ZNF609: variants seen among roughly 807,000 people sequenced by gnomAD.
ZNF609 encodes zinc finger protein 609.
In ZNF609, 11 loss-of-function variants were observed where a neutral mutation model predicts 109.5. The ratio of observed to expected loss-of-function variants is 0.10; its 90% confidence interval spans 0.06 to 0.17. ZNF609 has a LOEUF of 0.17. Among genes scored for constraint, ZNF609 ranks in the 10% least tolerant of loss-of-function variants. ZNF609 has a pLI of 1.00. For missense variants in ZNF609, 1,559 were observed against 1,772.4 expected, an observed-to-expected ratio of 0.88 and a Z score of 2.16; for synonymous variants, 646 against 662.0, an observed-to-expected ratio of 0.98 and a Z score of 0.37.
intron 3 of ZNF609, among the ~76,000 whole-genome samples, chr15:64,637,083 A>C (rs1657649591): frequency 6.6e-6 from 1 of 152,124 alleles, no homozygotes; most frequent in African/African-American, 2.4e-5. Context: ...TCCCCACCCC[A>C]GGTAACCAAT....
At chr15:64,537,918 T>G (rs1365022556) in intron 2 of ZNF609, among the ~76,000 whole-genome samples, 1 of 151,690 alleles carries the variant, frequency 6.6e-6, no homozygotes, top group Non-Finnish European at 1.5e-5. Flanking sequence ...CTTACCAACA[T>G]GGAGAAACCC....
chr15:64,575,558 T>C (rs1894937369), intron 2 of ZNF609, among the ~76,000 whole-genome samples: 1 of 152,206 alleles, frequency 6.6e-6, no homozygotes, highest in Non-Finnish European at 1.5e-5. Context: ...ACTTCTGTTT[T>C]CTTAGGGAGG....
chr15:64,579,932 C>A (rs929024014), intron 2 of ZNF609, among the ~76,000 whole-genome samples: 1 of 151,964 alleles, frequency 6.6e-6, no homozygotes, highest in Admixed American at 6.6e-5. Context: ...ACTGCCTCCT[C>A]CAAAAAAAAT....
intron 3 of ZNF609, among the ~76,000 whole-genome samples, chr15:64,630,263 GT>G (rs1401376028): frequency 6.6e-6 from 1 of 151,554 alleles, no homozygotes; most frequent in African/African-American, 2.4e-5. Context: ...GTAGAGATGG[GT>G]TTTCACCATG....
At chr15:64,525,319 A>T (rs1229657796) in intron 2 of ZNF609, among the ~76,000 whole-genome samples, 1 of 152,176 alleles carries the variant, frequency 6.6e-6, no homozygotes, top group Non-Finnish European at 1.5e-5. Flanking sequence ...TCCTAGCACC[A>T]ATCGTTGAAA....
chr15:64,644,537 A>G (rs1044153345), intron 3 of ZNF609, among the ~76,000 whole-genome samples: 2 of 152,224 alleles, frequency 1.3e-5, no homozygotes, highest in African/African-American at 4.8e-5. Context: ...GGTCTTTAAA[A>G]TATAACAGAT....
In ZNF609 at chr15:64,606,592, A is replaced by C. The variant is rs1223126367; in HGVS notation, c.748-16235A>C. ...AAAAAAAAAAACAGAAAAACTTTTT[A>C]TAGAAACAGGATCTCACTGTGTTCC... On this transcript the variant is annotated intron_variant, in intron 2 of 9. Coordinates refer to ENST00000326648, the MANE Select transcript of ZNF609 (RefSeq NM_015042.2). Among the ~76,000 whole-genome samples the C allele has an allele frequency of 2.7e-5, 4 of 150,328 alleles. No homozygotes were observed. The East Asian group carries it at 7.9e-4, about 30-fold the overall frequency.
intron 1 of ZNF609, among the ~76,000 whole-genome samples, chr15:64,474,952 A>G (rs1893145271): frequency 6.6e-6 from 1 of 151,670 alleles, no homozygotes; most frequent in Non-Finnish European, 1.5e-5. Context: ...CATTTTATCC[A>G]TATCTTTTTT....
intron 2 of ZNF609, among the ~76,000 whole-genome samples, chr15:64,522,971 TA>T (rs34889677): frequency 0.84 from 122,792 of 146,488 alleles, 52,047 homozygotes; most frequent in East Asian, 0.99. Flanking sequence ...ACATTGTGGT[TA>T]AAAAAAAAAA....
chr15:64,546,500 T>C (rs1264873107), intron 2 of ZNF609, among the ~76,000 whole-genome samples: 1 of 150,190 alleles, frequency 6.7e-6, no homozygotes, highest in East Asian at 2.0e-4. Context: ...CGACCAGTGG[T>C]GAGCCCTGAT....
At position 64,676,139 on chromosome 15, in the gene ZNF609, A is replaced by G. The variant is rs747527002; in HGVS notation, c.3285A>G (p.Glu1095=). Residue 1095 remains glutamate, a synonymous_variant, in exon 5 of 10, where the codon GAA becomes GAG. Coordinates refer to ENST00000326648, the MANE Select transcript of ZNF609 (RefSeq NM_015042.2). ...DSSKLPGQAP[E]GLKVKLSDAS... is the part of the protein sequence containing the mutation. ...CAAAACTCCCGGGCCAGGCCCCTGA[A>G]GGCCTTAAAGTGAAGCTGAGTGATG... The G allele has an allele frequency of 2.5e-6, 4 of 1,614,136 alleles. No homozygotes were observed. Among genetic ancestry groups the G allele is most frequent in the African/African-American group, 1.3e-5 (1 of 74,946 alleles).
intron 2 of ZNF609, among the ~76,000 whole-genome samples, chr15:64,537,246 C>G (rs1432337176): frequency 6.7e-6 from 1 of 149,562 alleles, no homozygotes; most frequent in East Asian, 2.0e-4. Context: ...ACCTGTAATC[C>G]CAGCACTTTG....
At chr15:64,644,419 G>A (rs1335733015) in intron 3 of ZNF609, among the ~76,000 whole-genome samples, 1 of 152,156 alleles carries the variant, frequency 6.6e-6, no homozygotes, top group Non-Finnish European at 1.5e-5. Flanking sequence ...GCCAAGGAGT[G>A]TGAGGTTACA....
chr15:64,580,615 G>A (rs1187665642), intron 2 of ZNF609, among the ~76,000 whole-genome samples: 1 of 149,792 alleles, frequency 6.7e-6, no homozygotes, highest in Non-Finnish European at 1.5e-5. Flanking sequence ...TAGTGGTGCA[G>A]TCTGCAACCT....
chr15:64,579,709 C>CA (rs34816803), intron 2 of ZNF609, among the ~76,000 whole-genome samples: 99,499 of 146,850 alleles, frequency 0.68, 36,349 homozygotes, highest in East Asian at 0.88. Context: ...AACAAACAAA[C>CA]AAAAAAAAAA....
chr15:64,586,238 A>G (rs1173460037), intron 2 of ZNF609, among the ~76,000 whole-genome samples: 1 of 151,606 alleles, frequency 6.6e-6, no homozygotes, highest in Non-Finnish European at 1.5e-5. Context: ...AGGCAGGAGA[A>G]TTGCTTGAAC....
At chr15:64,594,138 C>T (rs1895349412) in intron 2 of ZNF609, among the ~76,000 whole-genome samples, 1 of 152,180 alleles carries the variant, frequency 6.6e-6, no homozygotes, top group African/African-American at 2.4e-5. Context: ...AACCCACTCC[C>T]AGAGCCAGGT....
chr15:64,490,454 A>G (rs923617214), intron 1 of ZNF609, among the ~76,000 whole-genome samples: 9 of 151,540 alleles, frequency 5.9e-5, no homozygotes, highest in Non-Finnish European at 1.2e-4. Context: ...TTGTATTTTT[A>G]GTAGAGACAG....
At chr15:64,489,228 C>G (rs1266603526) in intron 1 of ZNF609, among the ~76,000 whole-genome samples, 2 of 151,842 alleles carry the variant, frequency 1.3e-5, no homozygotes, top group Non-Finnish European at 2.9e-5. Flanking sequence ...CTCTCTCTCC[C>G]AGGATGGAGT....
Sources: allele counts gnomAD v4.1 joint callset (sites outside exome capture counted in the v4.1 genomes callset), GRCh38; gene constraint gnomAD v4.1.1; transcripts MANE v1.5; gene names NCBI Gene and HGNC (gene_info 2026-07-23, HGNC 2026-07-21).